Variants in ENAH observed in about 807,000 individuals in gnomAD.
The protein encoded by ENAH is protein enabled homolog.
In ENAH, 23 loss-of-function variants were observed where a neutral mutation model predicts 78.7. The ratio of observed to expected loss-of-function variants is 0.29; its 90% CI spans 0.21 to 0.41. The LOEUF (loss-of-function observed/expected upper bound fraction) is 0.41, where lower values mean the gene tolerates loss of function less well. ENAH is among the 10% of genes least tolerant of loss of function. The probability of loss-of-function intolerance (pLI) is 1.00; values close to 1 mark genes in which losing one functional copy is unlikely to be tolerated. For synonymous variants in ENAH, 226 were observed against 241.0 expected, an observed-to-expected ratio of 0.94 and a Z score of 0.58; for missense variants, 544 against 691.0, an observed-to-expected ratio of 0.79 and a Z score of 2.39.
At position 225,523,286 on chromosome 1, in the gene ENAH, C is replaced by T. The variant is rs528299652; in HGVS notation, c.435-3721G>A. On this transcript the variant is annotated intron_variant, in intron 4 of 13. Transcript: ENST00000366843. ...TCTCTAAGCAATACAATGCTTTTAA[C>T]ACACAAAAAGTAAGCTTAAGTCACA... is the stretch of plus-strand genomic sequence containing the variant. Among the ~76,000 whole-genome samples the T allele has an allele frequency of 3.4e-4, 52 of 151,306 alleles. 1 individual carries two copies. Among genetic ancestry groups the T allele is most frequent in the Admixed American group, 5.9e-4 (9 of 15,190 alleles).
intron 3 of ENAH, among the ~76,000 whole-genome samples, chr1:225,534,175 C>T (rs1467258500): frequency 2.0e-5 from 3 of 152,060 alleles, no homozygotes; most frequent in Non-Finnish European, 4.4e-5. Flanking sequence ...TCAATAATCA[C>T]TCATGACTAG....
At chr1:225,555,972 T>C (rs1409890717) in intron 2 of ENAH, among the ~76,000 whole-genome samples, 2 of 152,226 alleles carry the variant, frequency 1.3e-5, no homozygotes, top group Non-Finnish European at 1.5e-5. Context: ...AATGGAGTTA[T>C]ACAACATGTA....
intron 1 of ENAH, among the ~76,000 whole-genome samples, chr1:225,591,063 A>C (rs2096873181): frequency 6.6e-6 from 1 of 152,244 alleles, no homozygotes; most frequent in Non-Finnish European, 1.5e-5. Context: ...TTTTAAGTTA[A>C]GACCAGATGA....
chr1:225,528,077 T>C (rs2096518852), intron 4 of ENAH, among the ~76,000 whole-genome samples: 1 of 152,210 alleles, frequency 6.6e-6, no homozygotes, highest in Admixed American at 6.5e-5. Context: ...TTCTGTCTTA[T>C]ACCCCAAAAC....
intron 1 of ENAH, among the ~76,000 whole-genome samples, chr1:225,578,464 G>A (rs1300771436): frequency 6.6e-6 from 1 of 152,130 alleles, no homozygotes; most frequent in Non-Finnish European, 1.5e-5. Flanking sequence ...GACAGAGCGA[G>A]ACACTCTCTC....
At chr1:225,510,324 A>G (rs963918474) in intron 10 of ENAH, among the ~76,000 whole-genome samples, 1 of 152,200 alleles carries the variant, frequency 6.6e-6, no homozygotes, top group African/African-American at 2.4e-5. Context: ...TTCTGAAATT[A>G]TGAACAAATC....
intron 1 of ENAH, among the ~76,000 whole-genome samples, chr1:225,613,216 G>A (rs539974734): frequency 2.0e-5 from 3 of 152,110 alleles, no homozygotes; most frequent in South Asian, 2.1e-4. Context: ...CAACTCAAAC[G>A]TCCCTCCCTA....
chr1:225,621,278 T>C (rs79744912), intron 1 of ENAH, among the ~76,000 whole-genome samples: 6,230 of 151,650 alleles, frequency 0.041, 193 homozygotes, highest in South Asian at 0.1. Context: ...TGGGAATTAC[T>C]TCTTTAAATC....
chr1:225,610,722 C>T (rs1222484516), intron 1 of ENAH, among the ~76,000 whole-genome samples: 1 of 152,072 alleles, frequency 6.6e-6, no homozygotes, highest in Admixed American at 6.5e-5. Context: ...AAACAGCCAA[C>T]AAAGTAGAGG....
chr1:225,593,595 A>G (rs1482873835), intron 1 of ENAH, among the ~76,000 whole-genome samples: 2 of 152,148 alleles, frequency 1.3e-5, no homozygotes, highest in Admixed American at 1.3e-4. Context: ...GAAAGCTAAG[A>G]GTGATTTGGG....
intron 3 of ENAH, among the ~76,000 whole-genome samples, chr1:225,548,082 T>C (rs749864348): frequency 2.5e-4 from 38 of 151,490 alleles, no homozygotes; most frequent in Non-Finnish European, 3.7e-4. Context: ...AATTTGTCTA[T>C]AGAAAAAAAG....
At chr1:225,542,419 T>C (rs1043883891) in intron 3 of ENAH, among the ~76,000 whole-genome samples, 1 of 152,134 alleles carries the variant, frequency 6.6e-6, no homozygotes, top group African/African-American at 2.4e-5. Context: ...TACATATCCA[T>C]TCAGGATGGT....
intron 3 of ENAH, among the ~76,000 whole-genome samples, chr1:225,537,169 G>C (rs2096565978): frequency 6.6e-6 from 1 of 151,730 alleles, no homozygotes; most frequent in Non-Finnish European, 1.5e-5. Context: ...AAACTTACAA[G>C]AAAAACCTGA....
chr1:225,536,914 C>T (rs768738316), intron 3 of ENAH, among the ~76,000 whole-genome samples: 2 of 151,888 alleles, frequency 1.3e-5, no homozygotes, highest in Non-Finnish European at 2.9e-5. Flanking sequence ...ATAGAAAGAC[C>T]ACAGGCGTAC....
intron 3 of ENAH, among the ~76,000 whole-genome samples, chr1:225,531,444 C>T (rs2096536977): frequency 6.6e-6 from 1 of 152,008 alleles, no homozygotes; most frequent in African/African-American, 2.4e-5. Context: ...ATATAAAAAT[C>T]AAATCTGTCA....
chr1:225,559,335 G>A (rs898637323), intron 2 of ENAH, among the ~76,000 whole-genome samples: 8 of 152,068 alleles, frequency 5.3e-5, no homozygotes, highest in Admixed American at 5.2e-4. Context: ...TTTCTTTAGG[G>A]CCAAGCATAT....
chr1:225,636,273 CA>C (rs1302030306), intron 1 of ENAH, among the ~76,000 whole-genome samples: 4 of 152,104 alleles, frequency 2.6e-5, no homozygotes, highest in African/African-American at 9.7e-5. Context: ...TAACTTTTTA[CA>C]GACTCAGAAA....
chr1:225,597,730 G>A (rs568984304), intron 1 of ENAH, among the ~76,000 whole-genome samples: 1 of 150,784 alleles, frequency 6.6e-6, no homozygotes, highest in Admixed American at 6.6e-5. Context: ...ATTGAATCCT[G>A]GGCCAGAAAA....
At chr1:225,593,013 CT>C (rs1202636561) in intron 1 of ENAH, among the ~76,000 whole-genome samples, 2 of 152,134 alleles carry the variant, frequency 1.3e-5, no homozygotes, top group African/African-American at 2.4e-5. Context: ...CAGATGACCC[CT>C]GGCACAAATT....
Sources: allele counts gnomAD v4.1 joint callset (sites outside exome capture counted in the v4.1 genomes callset), GRCh38; gene constraint gnomAD v4.1.1; transcripts MANE v1.5; gene names NCBI Gene and HGNC (gene_info 2026-07-23, HGNC 2026-07-21).